The following DEAF1 variants were observed in gnomAD, a reference collection of about 807,000 sequenced individuals.
DEAF1 encodes the protein DEAF1 transcription factor.
Under a neutral mutation model 58.9 loss-of-function variants are expected in DEAF1, and 53 were observed. The ratio of observed to expected loss-of-function variants is 0.90; its 90% CI spans 0.72 to 1.13. The LOEUF (loss-of-function observed/expected upper bound fraction) is 1.13. DEAF1 is among the 50% of genes most tolerant of loss of function. DEAF1 has a pLI of 0.00. For synonymous variants in DEAF1, 385 were observed against 340.4 expected, an observed-to-expected ratio of 1.13 and a Z score of -1.44; for missense variants, 685 against 791.4, an observed-to-expected ratio of 0.87 and a Z score of 1.61.
chr11:668,834 TG>T (rs1277787518), intron 10 of DEAF1, among the ~76,000 whole-genome samples: 3 of 152,054 alleles, frequency 2.0e-5, no homozygotes, highest in South Asian at 2.1e-4. Context: ...AAAAGTTTTT[TG>T]TTTTTTTTTA....
chr11:689,387 T>C (rs889141032), intron 2 of DEAF1, among the ~76,000 whole-genome samples: 4 of 151,422 alleles, frequency 2.6e-5, no homozygotes, highest in Non-Finnish European at 5.9e-5. Flanking sequence ...TTGCATTTTT[T>C]TTTTTAGTAG....
intron 6 of DEAF1, among the ~76,000 whole-genome samples, chr11:681,632 G>A (rs569037965): frequency 2.2e-4 from 33 of 152,016 alleles, no homozygotes; most frequent in Admixed American, 6.6e-4. Flanking sequence ...GGATGGTCTC[G>A]TTCTCCTGAC....
At chr11:704,434 GC>G in intron 1 of DEAF1, 1 of 1,288,358 alleles carries the variant, frequency 7.8e-7, no homozygotes, top group Non-Finnish European at 1.0e-6. Flanking sequence ...CCTGTCTGTG[GC>G]CCCCAGTGGC....
chr11:662,343 T>G (rs1249600822), intron 10 of DEAF1, among the ~76,000 whole-genome samples: 2 of 152,206 alleles, frequency 1.3e-5, no homozygotes, highest in Admixed American at 1.3e-4. Context: ...TCTTGCAGTG[T>G]GGCCCAGGGA....
In DEAF1 at chr11:691,655, A is replaced by G. The variant is rs1333203141; in HGVS notation, c.290-57T>C. On this transcript the variant is annotated intron_variant, in intron 1 of 11. Transcript: ENST00000382409. The stretch of plus-strand genomic sequence containing the variant: ...ACAAAAGCCAGAATGGACAAAGCGA[A>G]CAGCCTCGCTCAGGTGCTTCAAACA... 6 of 1,511,910 alleles carry G rather than the reference A, an allele frequency of 4.0e-6. No homozygotes were observed. In the Admixed American group the frequency reaches 7.0e-5, roughly 18 times the overall value. 93.7% of individuals were successfully genotyped at this position (1,511,910 alleles called of 1,614,324 possible).
chr11:692,141 ACCTG>A (rs1860863527), intron 1 of DEAF1: 1 of 215,958 alleles, frequency 4.6e-6, no homozygotes, highest in Non-Finnish European at 9.5e-6. Context: ...AGTACATCTA[ACCTG>A]CCTATGTCCC....
exon 1 of DEAF1, chr11:706,755 G>A (rs1343439972): frequency 6.6e-6 from 1 of 152,586 alleles, no homozygotes; most frequent in Non-Finnish European, 1.5e-5. Context: ...GCACTTCCTG[G>A]GTGTCGGAGC....
At chr11:649,055 A>T (rs1858632192) in intron 11 of DEAF1, among the ~76,000 whole-genome samples, 1 of 152,212 alleles carries the variant, frequency 6.6e-6, no homozygotes, top group Non-Finnish European at 1.5e-5. Flanking sequence ...GTTCAAGACC[A>T]GCCTGGCCAA....
intron 10 of DEAF1, among the ~76,000 whole-genome samples, chr11:660,885 C>T (rs1029515113): frequency 4.3e-5 from 6 of 138,880 alleles, no homozygotes; most frequent in African/African-American, 1.6e-4. Context: ...GCACCCGCGG[C>T]CTTACGGTGT....
At chr11:679,579 C>T in intron 8 of DEAF1, 109 bp downstream of exon 8, 1 of 1,544,816 alleles carries the variant, frequency 6.5e-7, no homozygotes, top group Non-Finnish European at 8.8e-7. Context: ...GGTTCAAGGC[C>T]CCTCTCGAGG....
chr11:695,294 CG>C (rs1861074561), upstream of DEAF1: 1 of 463,286 alleles, frequency 2.2e-6, no homozygotes, highest in African/African-American at 2.1e-5. Flanking sequence ...GCCGCCGAGC[CG>C]AGACCGAGTC....
At chr11:669,927 C>CAAAAAAAAAAAAAAAA in intron 10 of DEAF1, among the ~76,000 whole-genome samples, 1 of 86,906 alleles carries the variant, frequency 1.2e-5, no homozygotes, top group Non-Finnish European at 2.2e-5. Context: ...GAGACTGTCT[C>CAAAAAAAAAAAAAAAA]AAAAAAAAAA....
In DEAF1 at chr11:695,175, T is replaced by G; in HGVS notation, c.-128A>C. On this transcript the variant is annotated 5_prime_UTR_variant, in exon 1 of 12. Coordinates refer to ENST00000382409, the MANE Select transcript of DEAF1 (RefSeq NM_021008.4). Reference sequence around the variant, plus strand: ...AGGCCGCCCGAAGCCGCCGCCCGAATAGGGACCGAAAAGGCAGCCAGCCGC... The same window carrying G: ...AGGCCGCCCGAAGCCGCCGCCCGAAGAGGGACCGAAAAGGCAGCCAGCCGC... 4.7e-6 allele frequency: 4 copies of G among 850,138 alleles called. No individual in the cohort carries two copies. The highest frequency in any genetic ancestry group is 3.2e-6 in the Non-Finnish European group (2 of 626,580). The allele number at this position is 850,138 out of a possible 1,614,324, so 52.7% of individuals were successfully genotyped here.
chr11:652,982 G>A (rs571435994), intron 11 of DEAF1, among the ~76,000 whole-genome samples: 6 of 150,646 alleles, frequency 4.0e-5, no homozygotes, highest in African/African-American at 1.5e-4. Context: ...TACTCGGGAG[G>A]CTGAGGCAGG....
At chr11:684,806 G>C in intron 6 of DEAF1, 92 bp downstream of exon 6, 1 of 1,124,200 alleles carries the variant, frequency 8.9e-7, no homozygotes, top group Non-Finnish European at 1.3e-6. Context: ...GAGGGCAGGA[G>C]GGAAACAGCC....
chr11:704,747 C>A (rs965509731), intron 1 of DEAF1: 93 of 961,152 alleles, frequency 9.7e-5, no homozygotes, highest in Non-Finnish European at 1.3e-4. Context: ...GGATGGGGCC[C>A]GAGAGGCCAG....
chr11:654,652 A>G lies in DEAF1; in HGVS notation c.1504-601T>C, dbSNP rs895949381. The G allele has an allele frequency of 2.9e-5, 13 of 455,096 alleles. 1 individual carries two copies. The highest frequency in any genetic ancestry group is 2.4e-4 in the African/African-American group (12 of 49,466). 28.2% of individuals were successfully genotyped at this position (455,096 alleles called of 1,614,324 possible). ...GACTTTGGGCAGCCGAGGCGGGTGG[A>G]TCACCTGAGGTCAGGAGTTCAGCAC... On this transcript the variant is annotated intron_variant, in intron 10 of 11. Coordinates refer to ENST00000382409, the MANE Select transcript of DEAF1 (RefSeq NM_021008.4).
intron 1 of DEAF1, chr11:706,007 G>T (rs916249042): frequency 6.6e-6 from 1 of 152,326 alleles, no homozygotes; most frequent in African/African-American, 2.4e-5. Flanking sequence ...GACGCAGAGG[G>T]CTGGGGCTGG....
intron 11 of DEAF1, among the ~76,000 whole-genome samples, chr11:649,278 C>T (rs183677874): frequency 1.3e-5 from 2 of 151,834 alleles, no homozygotes; most frequent in East Asian, 1.9e-4. Flanking sequence ...ACAACAAAAA[C>T]GGGCATGGTG....
Sources: gnomAD v4.1 joint callset for allele counts (sites outside exome capture counted in the v4.1 genomes callset) on GRCh38, gnomAD v4.1.1 for gene constraint, MANE v1.5 for transcripts, NCBI Gene and HGNC (gene_info 2026-07-23, HGNC 2026-07-21) for gene names.